ROBO2: variants seen among roughly 807,000 people sequenced by gnomAD.
ROBO2 encodes the protein roundabout homolog 2.
ROBO2 carries 53 observed loss-of-function variants against 160.8 expected under a neutral mutation model. The ratio of observed to expected loss-of-function variants is 0.33; its 90% CI spans 0.26 to 0.41. ROBO2 has a LOEUF of 0.41. Among genes scored for constraint, ROBO2 ranks in the 10% least tolerant of loss-of-function variants. The pLI is 1.00. For missense variants in ROBO2, 1,577 were observed against 1,722.4 expected, an observed-to-expected ratio of 0.92 and a Z score of 1.49; for synonymous variants, 664 against 611.7, an observed-to-expected ratio of 1.09 and a Z score of -1.26.
chr3:76,606,557 G>T (rs1276849677), intron 2 of ROBO2, among the ~76,000 whole-genome samples: 1 of 152,038 alleles, frequency 6.6e-6, no homozygotes, highest in African/African-American at 2.4e-5. Flanking sequence ...GTCTCAAATG[G>T]CACATTATCT....
chr3:76,645,583 G>C (rs975919177), intron 2 of ROBO2, among the ~76,000 whole-genome samples: 5 of 152,214 alleles, frequency 3.3e-5, no homozygotes, highest in Admixed American at 6.5e-5. Flanking sequence ...TAGACAGAGA[G>C]AGAGAGAATA....
chr3:76,280,738 C>T (rs1708185805), intron 2 of ROBO2, among the ~76,000 whole-genome samples: 1 of 151,976 alleles, frequency 6.6e-6, no homozygotes, highest in Non-Finnish European at 1.5e-5. Context: ...AAGATCTTCA[C>T]ATCTTTCACC....
intron 8 of ROBO2, among the ~76,000 whole-genome samples, chr3:77,556,050 C>A (rs2093107162): frequency 6.7e-6 from 1 of 149,080 alleles, no homozygotes; most frequent in Admixed American, 6.8e-5. Context: ...AAGAAGTTAC[C>A]TGAATTCTGC....
At chr3:77,631,445 A>G (rs2095160691) in intron 23 of ROBO2, 1 of 152,190 alleles carries the variant, frequency 6.6e-6, no homozygotes, top group Non-Finnish European at 1.5e-5. Context: ...TTATTTAGAA[A>G]TCTTAAATTA....
At chr3:77,107,126 G>A (rs1030867488) in intron 2 of ROBO2, among the ~76,000 whole-genome samples, 1 of 152,158 alleles carries the variant, frequency 6.6e-6, no homozygotes, top group African/African-American at 2.4e-5. Flanking sequence ...CCACCTCCTG[G>A]TTCATAGACG....
chr3:76,330,677 A>G (rs539369807), intron 2 of ROBO2, among the ~76,000 whole-genome samples: 2 of 152,336 alleles, frequency 1.3e-5, no homozygotes, highest in South Asian at 2.1e-4. Context: ...TCAATGGCCC[A>G]TCCTCATATA....
chr3:77,527,527 T>C lies in ROBO2; in HGVS notation c.934+4625T>C, dbSNP rs2091280949. ...ATTTATTTTACCCATGTTAAAATAATACTTGAGACTGTATGCTGTAAAAGT... is the reference window on the plus strand; with the variant it reads ...ATTTATTTTACCCATGTTAAAATAACACTTGAGACTGTATGCTGTAAAAGT... On this transcript the variant is annotated intron_variant, in intron 6 of 25. Transcript: ENST00000461745. 1.4e-5 allele frequency: 11 copies of C among 763,530 alleles called. No homozygotes were observed. In the South Asian group the frequency reaches 2.0e-4, roughly 14 times the overall value. 47.3% of individuals were successfully genotyped at this position (763,530 alleles called of 1,614,324 possible).
At chr3:76,846,149 G>T (rs1252650172) in intron 2 of ROBO2, among the ~76,000 whole-genome samples, 2 of 152,028 alleles carry the variant, frequency 1.3e-5, no homozygotes, top group African/African-American at 4.8e-5. Flanking sequence ...AAACTGTATT[G>T]GACATATCAC....
At chr3:76,925,065 G>T (rs2076893207) in intron 2 of ROBO2, among the ~76,000 whole-genome samples, 2 of 151,494 alleles carry the variant, frequency 1.3e-5, no homozygotes, top group Admixed American at 1.3e-4. Flanking sequence ...AAAATTAGCC[G>T]GGCGTAGTGG....
intron 2 of ROBO2, among the ~76,000 whole-genome samples, chr3:76,399,691 A>C (rs925643223): frequency 2.0e-5 from 3 of 151,796 alleles, no homozygotes; most frequent in African/African-American, 2.4e-5. Flanking sequence ...AGGAAGTATG[A>C]GGCTTTGCCA....
intron 2 of ROBO2, among the ~76,000 whole-genome samples, chr3:76,241,813 G>T (rs1705306132): frequency 6.6e-6 from 1 of 152,156 alleles, no homozygotes; most frequent in African/African-American, 2.4e-5. Flanking sequence ...CTGTCTGAAT[G>T]ATAGGAAATG....
At chr3:76,820,518 G>C (rs2066031267) in intron 2 of ROBO2, among the ~76,000 whole-genome samples, 1 of 151,908 alleles carries the variant, frequency 6.6e-6, no homozygotes, top group African/African-American at 2.4e-5. Context: ...CCAATAAAGA[G>C]GAATGATAAT....
rs560021240 is a variant in ROBO2 at position 76,575,087 on chromosome 3, A to T, written c.110-522927A>T. ...AGCCCTCTTCCTGATTTTGGAAAAC[A>T]TCCAAAAAAATTAACTATTTTTTAA... On this transcript the variant is annotated intron_variant, in intron 2 of 26. Transcript: ENST00000487694. Among the ~76,000 whole-genome samples, 3 of 152,226 alleles carry T rather than the reference A, an allele frequency of 2.0e-5. No individual in the cohort carries two copies. In the South Asian group the frequency reaches 6.2e-4, roughly 32 times the overall value.
At chr3:76,495,473 C>G (rs1419500607) in intron 2 of ROBO2, among the ~76,000 whole-genome samples, 3 of 152,020 alleles carry the variant, frequency 2.0e-5, no homozygotes, top group African/African-American at 7.2e-5. Flanking sequence ...TGCTTACTAA[C>G]TTAGTCAGAT....
intron 4 of ROBO2, among the ~76,000 whole-genome samples, chr3:77,487,983 G>A (rs957300081): frequency 6.6e-6 from 1 of 152,112 alleles, no homozygotes; most frequent in Non-Finnish European, 1.5e-5. Context: ...ATGTAACTAA[G>A]TAACTTAAGA....
chr3:76,652,620 C>G (rs150251925), intron 2 of ROBO2, among the ~76,000 whole-genome samples: 4 of 152,098 alleles, frequency 2.6e-5, no homozygotes, highest in African/African-American at 9.7e-5. Context: ...AAATTTATAT[C>G]TTTAAGTCTT....
chr3:76,331,786 C>G lies in ROBO2; in HGVS notation c.109+394184C>G, dbSNP rs141641719. ...GCAACTTCTGCCACCCAGGTTCAAG[C>G]AATTCTCCTGTCTCAGCCTCCCAAG... On this transcript the variant is annotated intron_variant, in intron 2 of 26. Coordinates refer to the ROBO2 transcript ENST00000487694. Among the ~76,000 whole-genome samples, 61 of 151,672 alleles carry G rather than the reference C, an allele frequency of 4.0e-4. No individual in the cohort carries two copies. In the East Asian group the frequency reaches 0.012, roughly 29 times the overall value.
At chr3:77,358,505 C>T (rs1168265891) in intron 2 of ROBO2, among the ~76,000 whole-genome samples, 1 of 152,194 alleles carries the variant, frequency 6.6e-6, no homozygotes, top group Non-Finnish European at 1.5e-5. Context: ...CACAATTCAA[C>T]CCATAACAAC....
intron 2 of ROBO2, among the ~76,000 whole-genome samples, chr3:76,053,117 T>C (rs1413041126): frequency 1.3e-5 from 2 of 152,046 alleles, no homozygotes; most frequent in Non-Finnish European, 2.9e-5. Flanking sequence ...TATAGGACAA[T>C]ATCATAACAA....
Sources: allele counts gnomAD v4.1 joint callset (sites outside exome capture counted in the v4.1 genomes callset), GRCh38; gene constraint gnomAD v4.1.1; transcripts MANE v1.5; gene names NCBI Gene and HGNC (gene_info 2026-07-23, HGNC 2026-07-21).